The following SEMA4D variants were observed in gnomAD, a reference collection of about 807,000 sequenced individuals.
SEMA4D encodes the protein semaphorin 4D, also known as semaphorin-4D.
Under a neutral mutation model 74.8 loss-of-function variants are expected in SEMA4D, and 22 were observed. That is an observed-to-expected ratio of 0.29 (90% CI 0.21 to 0.42). SEMA4D has a LOEUF of 0.42. Among genes scored for constraint, SEMA4D ranks in the 10% least tolerant of loss-of-function variants. The probability of loss-of-function intolerance (pLI) is 1.00; values close to 1 mark genes in which losing one functional copy is unlikely to be tolerated. For missense variants in SEMA4D, 937 were observed against 1,118.4 expected (o/e 0.84, Z 2.31); for synonymous variants, 445 against 463.7 (o/e 0.96, Z 0.52).
intron 2 of SEMA4D, among the ~76,000 whole-genome samples, chr9:89,448,286 G>A (rs543555040): frequency 1.1e-4 from 16 of 152,274 alleles, no homozygotes; most frequent in East Asian, 1.9e-4. Flanking sequence ...ATCTTTTTCC[G>A]CTTTATTTCT....
rs1210539992 is a variant in SEMA4D at position 89,404,934 on chromosome 9, C to T, written c.106+417G>A. 7.0e-5 allele frequency among the ~76,000 whole-genome samples: 8 copies of T among 114,692 alleles called. 1 individual carries two copies. Among genetic ancestry groups the T allele is most frequent in the African/African-American group, 2.1e-4 (5 of 23,872 alleles). The allele number at this position is 114,692 out of a possible 152,430, so 75.2% of individuals were successfully genotyped here. ...CCAGGAATTGGGGTCCCCATCCCAT[C>T]GCCAGCCACCCACCTCAGCATCCCA... On this transcript the variant is annotated intron_variant, in intron 3 of 15. Coordinates refer to ENST00000422704, the MANE Select transcript of SEMA4D (RefSeq NM_001371194.2).
intron 2 of SEMA4D, among the ~76,000 whole-genome samples, chr9:89,434,799 G>C (rs992944028): frequency 3.9e-5 from 6 of 152,184 alleles, no homozygotes; most frequent in Non-Finnish European, 7.4e-5. Context: ...TGCAGCCATG[G>C]ACCTTTGAGT....
In SEMA4D at chr9:89,381,601, G is replaced by A. The variant is rs1272420114; in HGVS notation, c.1447-255C>T. 2.6e-5 allele frequency: 10 copies of A among 390,170 alleles called. No individual in the cohort carries two copies. Among genetic ancestry groups the A allele is most frequent in the Non-Finnish European group, 4.6e-5 (10 of 218,130 alleles). The allele number at this position is 390,170 out of a possible 1,614,324, so 24.2% of individuals were successfully genotyped here. A position where few individuals can be genotyped will look rare whatever the true frequency, so the allele number is the denominator to read the frequency against. ...CTCCCCTGTCTGGGCACCCACAGGT[G>A]CCTGCCCTCCAGCAAAGCGCTTCTC... On this transcript the variant is annotated intron_variant, in intron 13 of 15. Coordinates refer to ENST00000422704, the MANE Select transcript of SEMA4D (RefSeq NM_001371194.2). This position sits in a 1 kb window ranked among gnomAD's most constrained non-coding sequence, Gnocchi z 4.6.
chr9:89,424,875 G>A (rs907415434), intron 2 of SEMA4D, among the ~76,000 whole-genome samples: 1 of 152,170 alleles, frequency 6.6e-6, no homozygotes, highest in South Asian at 2.1e-4. Flanking sequence ...TACAAGGCAT[G>A]CTTATTTCTT....
intron 2 of SEMA4D, chr9:89,436,355 G>C (rs997116999): frequency 6.6e-6 from 1 of 152,278 alleles, no homozygotes; most frequent in Non-Finnish European, 1.5e-5. Flanking sequence ...CCCCACGCTG[G>C]TCAGCGTGTC....
intron 1 of SEMA4D, among the ~76,000 whole-genome samples, chr9:89,460,256 C>T (rs1856904025): frequency 6.6e-6 from 1 of 152,234 alleles, no homozygotes; most frequent in African/African-American, 2.4e-5. Context: ...GTAAGGCATC[C>T]TTTGACCCTG....
chr9:89,468,624 C>G (rs1047497068), intron 1 of SEMA4D, among the ~76,000 whole-genome samples: 1 of 152,124 alleles, frequency 6.6e-6, no homozygotes, highest in Non-Finnish European at 1.5e-5. Context: ...ATAAATAAAT[C>G]AGTACCTATC....
Position 89,363,813 on chromosome 9 carries a change from C to CT in SEMA4D, c.2019_2020insA (p.Glu674ArgfsTer25), listed in dbSNP as rs749125151. ...GAGGAGAGGACAGAGCAGCGATACT[C>CT]AGCGCTTTCCCTGATGGCGTCCTGC... On this transcript the variant is annotated frameshift_variant, in exon 17 of 19. Transcript: ENST00000339861. LOFTEE classifies it high-confidence loss of function. 10 of 1,614,122 alleles carry CT rather than the reference C, an allele frequency of 6.2e-6. No individual in the cohort carries two copies. The highest frequency in any genetic ancestry group is 8.5e-6 in the Non-Finnish European group (10 of 1,180,050).
intron 2 of SEMA4D, among the ~76,000 whole-genome samples, chr9:89,442,408 C>T (rs1033981416): frequency 6.6e-6 from 1 of 152,066 alleles, no homozygotes; most frequent in African/African-American, 2.4e-5. Context: ...AGGAAGAATA[C>T]GGACCTCATT....
At position 89,378,603 on chromosome 9, in the gene SEMA4D, G is replaced by A. The variant is rs1429347880; in HGVS notation, c.*101C>T. 10 of 832,324 alleles carry A rather than the reference G, an allele frequency of 1.2e-5. No individual in the cohort carries two copies. The highest frequency in any genetic ancestry group is 7.7e-5 in the East Asian group (3 of 38,742). 51.6% of individuals were successfully genotyped at this position (832,324 alleles called of 1,614,324 possible). ...GTCTGCACGATGCGGGCTAACCTAC[G>A]CAGCACTGCACGAGACTCGGATACT... On this transcript the variant is annotated 3_prime_UTR_variant, in exon 16 of 16. Coordinates refer to ENST00000422704, the MANE Select transcript of SEMA4D (RefSeq NM_001371194.2).
intron 5 of SEMA4D, among the ~76,000 whole-genome samples, chr9:89,399,019 A>G (rs1248238851): frequency 6.6e-6 from 1 of 152,252 alleles, no homozygotes; most frequent in Non-Finnish European, 1.5e-5. Flanking sequence ...ATCTGAATAC[A>G]TTCAATTCAT....
intron 2 of SEMA4D, among the ~76,000 whole-genome samples, chr9:89,411,069 C>T (rs750317466): frequency 2.4e-4 from 36 of 152,262 alleles, no homozygotes; most frequent in Middle Eastern, 3.4e-3. Flanking sequence ...TCTTAGGAAG[C>T]GAGTGGAGGA....
At chr9:89,385,752 G>A (rs1838298904) in intron 13 of SEMA4D, 1 of 440,036 alleles carries the variant, frequency 2.3e-6, no homozygotes, top group South Asian at 9.6e-5. Context: ...TCCTCTGCCT[G>A]TTGCTCCCAG....
At chr9:89,369,071 T>C (rs1187830513) in intron 16 of SEMA4D, 1 of 151,990 alleles carries the variant, frequency 6.6e-6, no homozygotes, top group Non-Finnish European at 1.5e-5. Flanking sequence ...GCACAGGGAG[T>C]TGATAGCACC....
intron 1 of SEMA4D, among the ~76,000 whole-genome samples, chr9:89,490,457 A>ACGGTACTG (rs1231109918): frequency 6.6e-6 from 1 of 152,122 alleles, no homozygotes; most frequent in African/African-American, 2.4e-5. Flanking sequence ...TCCAGTAGAA[A>ACGGTACTG]CGGTACTGCG....
At chr9:89,450,146 T>C in intron 2 of SEMA4D, 1 of 1,278,550 alleles carries the variant, frequency 7.8e-7, no homozygotes, top group South Asian at 1.2e-5. Context: ...ATGTCATCGA[T>C]GGAGAAAAAA....
intron 2 of SEMA4D, chr9:89,418,650 G>A (rs1296204805): frequency 6.5e-6 from 1 of 153,564 alleles, no homozygotes; most frequent in Non-Finnish European, 1.4e-5. Context: ...TCCATAGCAT[G>A]GCTGTCACTC....
At position 89,387,447 on chromosome 9, in the gene SEMA4D, G is replaced by C. The variant is rs146117514; in HGVS notation, c.1269C>G (p.Ile423Met). The C allele has an allele frequency of 3.7e-6, 6 of 1,614,210 alleles. No individual in the cohort carries two copies. The highest frequency in any genetic ancestry group is 1.3e-5 in the African/African-American group (1 of 75,052). ...CCAGGGCCTGGGTCCGGTCCACCACGATCTGGGTGTAGTTCACATCTTTCT... is the reference window on the plus strand; with the variant it reads ...CCAGGGCCTGGGTCCGGTCCACCACCATCTGGGTGTAGTTCACATCTTTCT... ...LIKKDVNYTQ[I>M]VVDRTQALDG... The change falls in exon 12 of 16, where the codon ATC becomes ATG. Residue 423 changes from isoleucine (I) to methionine (M), a missense_variant. Transcript: ENST00000422704.
intron 2 of SEMA4D, among the ~76,000 whole-genome samples, chr9:89,441,536 C>T (rs1159167621): frequency 6.6e-6 from 1 of 152,236 alleles, no homozygotes; most frequent in East Asian, 1.9e-4. Context: ...CATGGGCCAC[C>T]CCCACATCAC....
Sources: allele counts gnomAD v4.1 joint callset (sites outside exome capture counted in the v4.1 genomes callset), GRCh38; gene constraint gnomAD v4.1.1; non-coding constraint Gnocchi (gnomAD v3.1); transcripts MANE v1.5; gene names NCBI Gene and HGNC (gene_info 2026-07-23, HGNC 2026-07-21).